TMEFF1: variants seen among roughly 807,000 people sequenced by gnomAD.
TMEFF1 encodes the protein tomoregulin-1.
A neutral mutation model predicts 47.5 loss-of-function variants in TMEFF1; 20 were observed. That is an observed-to-expected ratio of 0.42 (90% CI 0.30 to 0.61). The LOEUF is 0.61. Ranked by LOEUF, TMEFF1 falls within the 20% of genes least tolerant of loss-of-function variation. The pLI is 0.19. For missense variants in TMEFF1, 411 were observed against 471.1 expected, an observed-to-expected ratio of 0.87 and a Z score of 1.18; for synonymous variants, 162 against 166.3, an observed-to-expected ratio of 0.97 and a Z score of 0.20.
chr9:100,499,856 G>A (rs1399510110), intron 2 of TMEFF1, among the ~76,000 whole-genome samples: 2 of 152,158 alleles, frequency 1.3e-5, no homozygotes, highest in African/African-American at 4.8e-5. Context: ...TAAAAGAAGT[G>A]GAGAGTTTAG....
At chr9:100,525,858 C>T (rs1838245047) in intron 5 of TMEFF1, among the ~76,000 whole-genome samples, 1 of 152,180 alleles carries the variant, frequency 6.6e-6, no homozygotes, top group African/African-American at 2.4e-5. Flanking sequence ...GGAACAAAGA[C>T]CATGAATACT....
At chr9:100,541,754 A>G (rs770417176) in intron 5 of TMEFF1, among the ~76,000 whole-genome samples, 1 of 152,090 alleles carries the variant, frequency 6.6e-6, no homozygotes, top group Non-Finnish European at 1.5e-5. Context: ...GTTTAGAATT[A>G]TATTATCCTG....
At chr9:100,480,182 C>G (rs1460334961) in intron 1 of TMEFF1, among the ~76,000 whole-genome samples, 1 of 152,070 alleles carries the variant, frequency 6.6e-6, no homozygotes, top group African/African-American at 2.4e-5. Context: ...GGAGAAATGT[C>G]TATTCAGATC....
chr9:100,481,487 G>A (rs967032893), intron 1 of TMEFF1, among the ~76,000 whole-genome samples: 7 of 152,180 alleles, frequency 4.6e-5, no homozygotes, highest in African/African-American at 1.7e-4. Flanking sequence ...AAAAGAGAAG[G>A]GAGTCTTTTC....
intron 5 of TMEFF1, among the ~76,000 whole-genome samples, chr9:100,518,862 G>A (rs1268892277): frequency 2.0e-5 from 3 of 152,044 alleles, no homozygotes; most frequent in African/African-American, 7.2e-5. Context: ...GAATAGTGAT[G>A]TATCTAAAGG....
chr9:100,491,085 CATATTCT>C (rs1183812713), intron 1 of TMEFF1, among the ~76,000 whole-genome samples: 2 of 152,036 alleles, frequency 1.3e-5, no homozygotes, highest in African/African-American at 4.8e-5. Context: ...AGCTTATTTC[CATATTCT>C]ATAATATACA....
intron 1 of TMEFF1, among the ~76,000 whole-genome samples, chr9:100,493,627 G>A (rs1383246163): frequency 6.6e-6 from 1 of 152,166 alleles, no homozygotes; most frequent in African/African-American, 2.4e-5. Context: ...ACTCTTGTGA[G>A]TACTTCTTTG....
chr9:100,532,397 A>C (rs1041339275), intron 5 of TMEFF1, among the ~76,000 whole-genome samples: 102 of 152,332 alleles, frequency 6.7e-4, no homozygotes, highest in African/African-American at 2.4e-3. Context: ...ATTTACAAGA[A>C]AAAAACAACC....
intron 1 of TMEFF1, among the ~76,000 whole-genome samples, chr9:100,479,831 C>G (rs1418644196): frequency 6.6e-6 from 1 of 152,134 alleles, no homozygotes; most frequent in Admixed American, 6.6e-5. Flanking sequence ...CTGTAACATT[C>G]ATGGACAAGT....
chr9:100,486,505 G>C (rs1221851006), intron 1 of TMEFF1, among the ~76,000 whole-genome samples: 1 of 152,194 alleles, frequency 6.6e-6, no homozygotes, highest in African/African-American at 2.4e-5. Flanking sequence ...GGCTCCCAAC[G>C]TGTTGGGATT....
At chr9:100,524,962 T>C (rs1264476467) in intron 5 of TMEFF1, among the ~76,000 whole-genome samples, 2 of 152,114 alleles carry the variant, frequency 1.3e-5, no homozygotes, top group African/African-American at 4.8e-5. Context: ...CCAAGCCAAC[T>C]GCAGATAAGA....
intron 1 of TMEFF1, among the ~76,000 whole-genome samples, chr9:100,482,730 C>CA (rs1837365265): frequency 6.6e-6 from 1 of 152,136 alleles, no homozygotes; most frequent in Non-Finnish European, 1.5e-5. Flanking sequence ...GGAGGAGAGT[C>CA]AAATTGGTGT....
At chr9:100,477,374 T>C (rs1837253556) in intron 1 of TMEFF1, among the ~76,000 whole-genome samples, 1 of 152,202 alleles carries the variant, frequency 6.6e-6, no homozygotes, top group Admixed American at 6.5e-5. Context: ...CAGCCTATTA[T>C]TTAAAAGATT....
rs530758377 is a variant in TMEFF1, at chr9:100,539,284, G to T, written c.561-8460G>T. On this transcript the variant is annotated intron_variant, in intron 5 of 9. Transcript: ENST00000374879. ...TGCAAGTCTAGTTTTTCGTCAGAAT[G>T]CCTGTTTTCCAAAGTTGCTGTCCCA... 5.9e-5 allele frequency among the ~76,000 whole-genome samples: 9 copies of T among 152,336 alleles called. No individual in the cohort carries two copies. In the South Asian group the frequency reaches 1.0e-3, roughly 18 times the overall value.
At chr9:100,504,628 C>G (rs1837822510) in intron 2 of TMEFF1, among the ~76,000 whole-genome samples, 1 of 152,198 alleles carries the variant, frequency 6.6e-6, no homozygotes. Context: ...ATCTTCATAA[C>G]AACTTTGTTA....
At chr9:100,552,916 T>G (rs1017413833) in intron 7 of TMEFF1, among the ~76,000 whole-genome samples, 7 of 150,732 alleles carry the variant, frequency 4.6e-5, no homozygotes, top group Non-Finnish European at 1.0e-4. Context: ...TAGCCAGATA[T>G]GACCAGTGAC....
At chr9:100,539,275 C>T (rs1316936484) in intron 5 of TMEFF1, among the ~76,000 whole-genome samples, 3 of 152,188 alleles carry the variant, frequency 2.0e-5, no homozygotes, top group Non-Finnish European at 4.4e-5. Flanking sequence ...TCTAGTTTTT[C>T]GTCAGAATGC....
Position 100,544,087 on chromosome 9 carries a change from G to GATATATATAT in TMEFF1, c.561-3647_561-3638dup, listed in dbSNP as rs35750255. Reference sequence around the variant, plus strand: ...CTCATTTCCAGTTTACCTTCATGCTGATATATATATATATATATAACTTTT... The same window carrying GATATATATAT: ...CTCATTTCCAGTTTACCTTCATGCTGATATATATATATATATATATATATATATAACTTTT... On this transcript the variant is annotated intron_variant, in intron 5 of 9. Coordinates refer to ENST00000374879, the MANE Select transcript of TMEFF1 (RefSeq NM_003692.5). 4.8e-4 allele frequency among the ~76,000 whole-genome samples: 71 copies of GATATATATAT among 147,226 alleles called. 1 individual carries two copies. Among genetic ancestry groups the GATATATATAT allele is most frequent in the African/African-American group, 1.5e-3 (62 of 40,054 alleles).
chr9:100,513,410 T>TAA lies in TMEFF1; in HGVS notation c.463+79_463+80dup. 1.2e-4 allele frequency: 144 copies of TAA among 1,224,982 alleles called. No individual in the cohort carries two copies. In the South Asian group the frequency reaches 1.6e-3, roughly 13 times the overall value. 75.9% of individuals were successfully genotyped at this position (1,224,982 alleles called of 1,614,324 possible). A position where few individuals can be genotyped will look rare whatever the true frequency, so the allele number is the denominator to read the frequency against. On this transcript the variant is annotated intron_variant, in intron 4 of 9. Coordinates refer to ENST00000374879, the MANE Select transcript of TMEFF1 (RefSeq NM_003692.5). ...TTCTTTTTCTTTTTTTTTTTTTTTT[T>TAA]AAATCAGCTTTGAGATATAATTCAC...
Sources: gnomAD v4.1 joint callset for allele counts (sites outside exome capture counted in the v4.1 genomes callset) on GRCh38, gnomAD v4.1.1 for gene constraint, MANE v1.5 for transcripts, NCBI Gene and HGNC (gene_info 2026-07-23, HGNC 2026-07-21) for gene names.